SIPA1L3: variants seen among roughly 807,000 people sequenced by gnomAD.
The protein encoded by SIPA1L3 is signal-induced proliferation-associated 1-like protein 3.
In SIPA1L3, 59 loss-of-function variants were observed where a neutral mutation model predicts 150.1. The ratio of observed to expected loss-of-function variants is 0.39; its 90% CI spans 0.32 to 0.49. SIPA1L3 has a LOEUF of 0.49. SIPA1L3 is among the 20% of genes least tolerant of loss of function. The pLI is 0.86. For synonymous variants in SIPA1L3, 1,070 were observed against 1,077.6 expected, an observed-to-expected ratio of 0.99 and a Z score of 0.14; for missense variants, 2,211 against 2,489.5, an observed-to-expected ratio of 0.89 and a Z score of 2.38.
chr19:38,047,779 C>T lies in SIPA1L3; in HGVS notation c.-311+18623C>T, dbSNP rs935983021. Among the ~76,000 whole-genome samples the T allele has an allele frequency of 2.6e-5, 4 of 152,172 alleles. No individual in the cohort carries two copies. Among genetic ancestry groups the T allele is most frequent in the Non-Finnish European group, 5.9e-5 (4 of 68,030 alleles). ...CCACGTGTCATTTTAGAGACCCCAGCGGCAGTCCAGATCCTGAAGTCCGAC... is the reference window on the plus strand; with the variant it reads ...CCACGTGTCATTTTAGAGACCCCAGTGGCAGTCCAGATCCTGAAGTCCGAC... On this transcript the variant is annotated intron_variant, in intron 2 of 21. Coordinates refer to ENST00000222345, the MANE Select transcript of SIPA1L3 (RefSeq NM_015073.3). The surrounding 1 kb of genome is among the most constrained non-coding windows in gnomAD (Gnocchi z 4.7).
chr19:37,933,460 T>C (rs1395030662), intron 1 of SIPA1L3, among the ~76,000 whole-genome samples: 1 of 152,246 alleles, frequency 6.6e-6, no homozygotes, highest in East Asian at 1.9e-4. Flanking sequence ...ATTTTGTCTA[T>C]GCTCTGCTTC....
intron 1 of SIPA1L3, among the ~76,000 whole-genome samples, chr19:38,024,303 T>A (rs943717083): frequency 1.3e-5 from 2 of 152,196 alleles, no homozygotes; most frequent in African/African-American, 4.8e-5. Context: ...TTCTGAAATG[T>A]CATATGAAAG....
chr19:38,140,462 G>A (rs1048150090), intron 10 of SIPA1L3, among the ~76,000 whole-genome samples: 1 of 151,194 alleles, frequency 6.6e-6, no homozygotes, highest in African/African-American at 2.4e-5. Context: ...CTGCCTTTAA[G>A]ATTCTTTGGA....
chr19:37,968,175 C>T (rs1004632159), intron 1 of SIPA1L3, among the ~76,000 whole-genome samples: 7 of 151,842 alleles, frequency 4.6e-5, no homozygotes, highest in Admixed American at 1.3e-4. Context: ...CGGGTTCAAG[C>T]GATTCTCCTG....
chr19:37,958,509 TAACTC>T (rs780949957), intron 1 of SIPA1L3, among the ~76,000 whole-genome samples: 6 of 152,186 alleles, frequency 3.9e-5, no homozygotes, highest in Non-Finnish European at 5.9e-5. Flanking sequence ...ATACAAAAAT[TAACTC>T]AAAGTAGATC....
chr19:38,126,208 CA>C lies in SIPA1L3; in HGVS notation c.2869-4281del, dbSNP rs927441479. Reference sequence around the variant, plus strand: ...AAACAAAAACAAAAACAAAACAAAACAAAAAAAAACACCACGCAATTGAAGT... The same window carrying C: ...AAACAAAAACAAAAACAAAACAAAACAAAAAAAACACCACGCAATTGAAGT... On this transcript the variant is annotated intron_variant, in intron 9 of 21. Coordinates refer to ENST00000222345, the MANE Select transcript of SIPA1L3 (RefSeq NM_015073.3). Among the ~76,000 whole-genome samples, 231 of 150,036 alleles carry C rather than the reference CA, an allele frequency of 1.5e-3. 2 individuals carry two copies. The East Asian group carries it at 0.019, about 13-fold the overall frequency.
At position 38,001,765 on chromosome 19, in the gene SIPA1L3, T is replaced by C. The variant is rs761220641; in HGVS notation, c.-378-27324T>C. 3.7e-4 allele frequency among the ~76,000 whole-genome samples: 57 copies of C among 152,240 alleles called. 1 individual carries two copies. The highest frequency in any genetic ancestry group is 6.6e-4 in the Non-Finnish European group (45 of 68,050). Reference sequence around the variant, plus strand: ...AGTACTTTTTTATTATGATAAAATATGATAAAATGTACATAACACAAAATT... The same window carrying C: ...AGTACTTTTTTATTATGATAAAATACGATAAAATGTACATAACACAAAATT... On this transcript the variant is annotated intron_variant, in intron 1 of 21. Coordinates refer to ENST00000222345, the MANE Select transcript of SIPA1L3 (RefSeq NM_015073.3).
At chr19:38,006,061 T>A (rs1210498643) in intron 1 of SIPA1L3, among the ~76,000 whole-genome samples, 4 of 152,130 alleles carry the variant, frequency 2.6e-5, no homozygotes, top group African/African-American at 7.2e-5. Context: ...AGCACCCAGA[T>A]AAACAGGCGG....
chr19:37,996,745 T>G (rs833901), intron 1 of SIPA1L3, among the ~76,000 whole-genome samples: 113,745 of 151,888 alleles, frequency 0.75, 42,862 homozygotes, highest in East Asian at 0.95. Flanking sequence ...GCCTAGGCTG[T>G]AGTGCAGTGG....
intron 2 of SIPA1L3, among the ~76,000 whole-genome samples, chr19:38,062,952 G>C (rs1237391878): frequency 1.3e-5 from 2 of 152,242 alleles, no homozygotes; most frequent in African/African-American, 2.4e-5. Flanking sequence ...CCCATGAGTT[G>C]TCACGAGGGC....
At chr19:38,140,513 T>A (rs1219619804) in intron 10 of SIPA1L3, among the ~76,000 whole-genome samples, 1 of 152,156 alleles carries the variant, frequency 6.6e-6, no homozygotes, top group African/African-American at 2.4e-5. Flanking sequence ...GACATCCGCC[T>A]TTCTGGCCCT....
intron 7 of SIPA1L3, among the ~76,000 whole-genome samples, chr19:38,107,276 C>G (rs1441505438): frequency 1.3e-5 from 2 of 152,166 alleles, no homozygotes; most frequent in African/African-American, 4.8e-5. Context: ...AGTCTTGGGG[C>G]CTGGGGTAGG....
chr19:38,146,285 G>A (rs1002969093), intron 12 of SIPA1L3, among the ~76,000 whole-genome samples: 2 of 152,086 alleles, frequency 1.3e-5, no homozygotes, highest in African/African-American at 2.4e-5. Context: ...ACGTTGTCGC[G>A]AGTCTCTAGT....
chr19:38,130,930 C>T, intron 10 of SIPA1L3, 158 bp downstream of exon 10: 3 of 745,724 alleles, frequency 4.0e-6, no homozygotes, highest in Non-Finnish European at 4.3e-6. Flanking sequence ...GGGGAGGGCA[C>T]ATCTACAGAG....
rs1387976521 is a variant in SIPA1L3 at position 38,100,124 on chromosome 19, C to A, written c.1828C>A (p.Gln610Lys). The A allele has an allele frequency of 3.1e-6, 5 of 1,594,026 alleles. No individual in the cohort carries two copies. In the African/African-American group the frequency reaches 6.8e-5, roughly 22 times the overall value. ...LALNTPKVTEQLLKLDEQGLC... is the reference protein window; with the variant it reads ...LALNTPKVTEKLLKLDEQGLC... The stretch of plus-strand genomic sequence containing the variant: ...CCTCAACACCCCCAAGGTGACGGAG[C>A]AACTGCTGAAGCTCGATGAGCAAGG... Residue 610 changes from glutamine (Q) to lysine (K), a missense_variant, in exon 5 of 22, where the codon CAA becomes AAA. Physicochemically the swap from Gln to Lys is moderately conservative, Grantham distance 53. Transcript: ENST00000222345.
chr19:38,131,238 G>A (rs138310696), intron 10 of SIPA1L3, among the ~76,000 whole-genome samples: 7 of 152,298 alleles, frequency 4.6e-5, no homozygotes, highest in South Asian at 2.1e-4. Flanking sequence ...GTGTCATACC[G>A]GATCAGGTAG....
At chr19:38,111,991 A>G (rs907540986) in intron 8 of SIPA1L3, among the ~76,000 whole-genome samples, 1 of 150,268 alleles carries the variant, frequency 6.7e-6, no homozygotes, top group Non-Finnish European at 1.5e-5. Context: ...ACACAGGCAC[A>G]CACCTGCACA....
At chr19:37,908,296 C>CA (rs1237201861) in intron 1 of SIPA1L3, among the ~76,000 whole-genome samples, 5 of 152,192 alleles carry the variant, frequency 3.3e-5, no homozygotes, top group Non-Finnish European at 7.3e-5. Context: ...AGATCACTCT[C>CA]AAAGGGTTGT....
intron 14 of SIPA1L3, among the ~76,000 whole-genome samples, chr19:38,162,819 G>GTCT (rs1972123997): frequency 1.3e-5 from 2 of 152,176 alleles, no homozygotes; most frequent in Non-Finnish European, 2.9e-5. Flanking sequence ...GGGTCCCTGC[G>GTCT]TCTTTCCAGC....
Sources: allele counts gnomAD v4.1 joint callset (sites outside exome capture counted in the v4.1 genomes callset), GRCh38; gene constraint gnomAD v4.1.1; non-coding constraint Gnocchi (gnomAD v3.1); transcripts MANE v1.5; gene names NCBI Gene and HGNC (gene_info 2026-07-23, HGNC 2026-07-21).